The following RFX3 variants were observed in gnomAD, a reference collection of about 807,000 sequenced individuals.
The protein encoded by RFX3 is transcription factor RFX3.
In RFX3, 14 loss-of-function variants were observed where a neutral mutation model predicts 98.6. The observed-to-expected ratio is 0.14, with a 90% CI of 0.09 to 0.22. The LOEUF (loss-of-function observed/expected upper bound fraction) is 0.22. Ranked by LOEUF, RFX3 falls within the 10% of genes least tolerant of loss-of-function variation. RFX3 has a pLI of 1.00. For synonymous variants in RFX3, 383 were observed against 328.4 expected, an observed-to-expected ratio of 1.17 and a Z score of -1.80; for missense variants, 639 against 926.9, an observed-to-expected ratio of 0.69 and a Z score of 4.03.
chr9:3,418,865 A>G (rs1328810466), intron 1 of RFX3, among the ~76,000 whole-genome samples: 1 of 152,214 alleles, frequency 6.6e-6, no homozygotes, highest in African/African-American at 2.4e-5. Context: ...TTTCAAAGCA[A>G]GAGACATGAT....
chr9:3,467,287 T>C, intron 1 of RFX3, among the ~76,000 whole-genome samples: 1 of 145,922 alleles, frequency 6.9e-6, no homozygotes, highest in Non-Finnish European at 1.5e-5. Context: ...TATATATACA[T>C]ATATATACAC....
At chr9:3,406,412 C>T (rs1841978701) in intron 1 of RFX3, among the ~76,000 whole-genome samples, 1 of 151,990 alleles carries the variant, frequency 6.6e-6, no homozygotes, top group Non-Finnish European at 1.5e-5. Flanking sequence ...TTCCATCTTG[C>T]TCTTAACAAG....
At chr9:3,291,395 CAAAA>C (rs1827326892) in intron 6 of RFX3, among the ~76,000 whole-genome samples, 6 of 3,382 alleles carry the variant, frequency 1.8e-3, no homozygotes, top group Admixed American at 0.014. Context: ...AAAACAAAAA[CAAAA>C]CAAAACAAAA....
chr9:3,330,114 A>G, intron 4 of RFX3, 145 bp downstream of exon 4: 1 of 783,954 alleles, frequency 1.3e-6, no homozygotes, highest in Non-Finnish European at 2.0e-6. Context: ...TACATATACT[A>G]CATTCTGCAA....
At chr9:3,505,243 T>TATATATATGAATATATATTTAA in intron 1 of RFX3, among the ~76,000 whole-genome samples, 1 of 73,650 alleles carries the variant, frequency 1.4e-5, no homozygotes, top group Non-Finnish European at 2.0e-5. Context: ...TATATATTTA[T>TATATATATGAATATATATTTAA]ATATATATGA....
At chr9:3,483,121 A>G (rs913498405) in intron 1 of RFX3, among the ~76,000 whole-genome samples, 1 of 152,190 alleles carries the variant, frequency 6.6e-6, no homozygotes, top group African/African-American at 2.4e-5. Context: ...TGGATAGTGG[A>G]TGGGCAGGCA....
At chr9:3,272,451 A>C (rs1297347541) in intron 9 of RFX3, among the ~76,000 whole-genome samples, 1 of 152,226 alleles carries the variant, frequency 6.6e-6, no homozygotes, top group East Asian at 1.9e-4. Flanking sequence ...ATATATTCTA[A>C]AAGTATAAAA....
chr9:3,355,105 TAG>T (rs1206401368), intron 2 of RFX3, among the ~76,000 whole-genome samples: 2 of 151,760 alleles, frequency 1.3e-5, no homozygotes, highest in Non-Finnish European at 2.9e-5. Context: ...ATAATGAAGA[TAG>T]AGTGTCATAC....
chr9:3,395,393 T>C (rs1840751629), intron 2 of RFX3, 79 bp downstream of exon 2: 1 of 1,520,428 alleles, frequency 6.6e-7, no homozygotes, highest in South Asian at 1.2e-5. Context: ...AAAGTTCAAA[T>C]AATTTTTGGA....
chr9:3,350,624 A>C (rs553665624), intron 2 of RFX3, among the ~76,000 whole-genome samples: 68 of 152,300 alleles, frequency 4.5e-4, no homozygotes, highest in African/African-American at 1.5e-3. Context: ...CGTTTATAAC[A>C]ACTTTATTCA....
At chr9:3,256,925 C>T in intron 14 of RFX3, 66 bp downstream of exon 14, 1 of 1,426,566 alleles carries the variant, frequency 7.0e-7, no homozygotes, top group East Asian at 2.3e-5. Context: ...GAAGCATATA[C>T]AAACACATAC....
intron 2 of RFX3, among the ~76,000 whole-genome samples, chr9:3,385,525 T>C (rs1179097979): frequency 2.0e-5 from 3 of 151,804 alleles, no homozygotes; most frequent in Non-Finnish European, 4.4e-5. Context: ...CTGGCCAACA[T>C]GGTGAAACCC....
At chr9:3,366,027 G>A (rs982278396) in intron 2 of RFX3, among the ~76,000 whole-genome samples, 1 of 152,020 alleles carries the variant, frequency 6.6e-6, no homozygotes, top group African/African-American at 2.4e-5. Context: ...CTCACTTGGG[G>A]ACCCTGGTTA....
At chr9:3,247,872 G>A in intron 15 of RFX3, 160 bp downstream of exon 15, 1 of 1,608,624 alleles carries the variant, frequency 6.2e-7, no homozygotes, top group Non-Finnish European at 8.5e-7. Context: ...AAGAACAGAG[G>A]AATTTAAGGA....
In RFX3 at chr9:3,256,865, G is replaced by A; in HGVS notation, c.1814+126C>T. ...AGTTGGGTTGAAGGTAGTTGTAACA[G>A]GGAGTTTCCACAAACTAAAGTCTTT... On this transcript the variant is annotated intron_variant, in intron 14 of 16. Transcript: ENST00000617270. 3.7e-6 allele frequency: 3 copies of A among 818,418 alleles called. No homozygotes were observed. In the South Asian group the frequency reaches 5.0e-5, roughly 14 times the overall value. 50.7% of individuals were successfully genotyped at this position (818,418 alleles called of 1,614,324 possible). A position where few individuals can be genotyped will look rare whatever the true frequency, so the allele number is the denominator to read the frequency against.
At chr9:3,465,754 G>C (rs1434855424) in intron 1 of RFX3, among the ~76,000 whole-genome samples, 1 of 151,946 alleles carries the variant, frequency 6.6e-6, no homozygotes, top group East Asian at 1.9e-4. Context: ...AATAATACAA[G>C]ATACTATATA....
At chr9:3,481,828 T>C (rs917483373) in intron 1 of RFX3, among the ~76,000 whole-genome samples, 29 of 151,784 alleles carry the variant, frequency 1.9e-4, no homozygotes, top group African/African-American at 5.8e-4. Context: ...GAAATGCAAA[T>C]TCAAATAGAT....
At chr9:3,314,271 T>C (rs1487591115) in intron 4 of RFX3, among the ~76,000 whole-genome samples, 2 of 152,068 alleles carry the variant, frequency 1.3e-5, no homozygotes, top group East Asian at 1.9e-4. Flanking sequence ...CCAGCCAAAC[T>C]AAGCTTCATA....
intron 7 of RFX3, among the ~76,000 whole-genome samples, chr9:3,287,432 A>G (rs982668563): frequency 6.6e-6 from 1 of 152,008 alleles, no homozygotes; most frequent in Non-Finnish European, 1.5e-5. Flanking sequence ...ACATGGGACT[A>G]GAAGGCCCTT....
Sources: gnomAD v4.1 joint callset for allele counts (sites outside exome capture counted in the v4.1 genomes callset) on GRCh38, gnomAD v4.1.1 for gene constraint, MANE v1.5 for transcripts, NCBI Gene and HGNC (gene_info 2026-07-23, HGNC 2026-07-21) for gene names.